HSD17B12: variants seen among roughly 807,000 people sequenced by gnomAD.
The protein encoded by HSD17B12 is very-long-chain 3-oxoacyl-CoA reductase.
A neutral mutation model predicts 39.3 loss-of-function variants in HSD17B12; 32 were observed. The ratio of observed to expected loss-of-function variants is 0.81; its 90% confidence interval spans 0.61 to 1.09. The LOEUF (loss-of-function observed/expected upper bound fraction) is 1.09, where lower values mean the gene tolerates loss of function less well. Among genes scored for constraint, HSD17B12 ranks in the 50% least tolerant of loss-of-function variants. The pLI, the probability that HSD17B12 is intolerant of heterozygous loss-of-function variation, is 0.00. For synonymous variants in HSD17B12, 150 were observed against 146.7 expected, an observed-to-expected ratio of 1.02 and a Z score of -0.16; for missense variants, 342 against 382.9, an observed-to-expected ratio of 0.89 and a Z score of 0.89.
At chr11:43,561,132 T>G in the HSD17B12 span, among the ~76,000 whole-genome samples, 12 of 152,292 alleles carry the variant, frequency 7.9e-5, no homozygotes, top group Non-Finnish European at 1.3e-4. Context: ...CCCACCACTT[T>G]CAAGCTTGGT....
At position 43,855,594 on chromosome 11, in the gene HSD17B12, A is replaced by G. The variant is rs1268424887; in HGVS notation, c.*346A>G. On this transcript the variant is annotated 3_prime_UTR_variant, in exon 11 of 11. Coordinates refer to ENST00000278353, the MANE Select transcript of HSD17B12 (RefSeq NM_016142.3). Reference sequence around the variant, plus strand: ...GCAGTTTTATCTGCTTCAAAATGCCATTGATCATTATTCCTGTATTTTCTC... The same window carrying G: ...GCAGTTTTATCTGCTTCAAAATGCCGTTGATCATTATTCCTGTATTTTCTC... 2 of 155,556 alleles carry G rather than the reference A, an allele frequency of 1.3e-5. No homozygotes were observed. The highest frequency in any genetic ancestry group is 2.8e-5 in the Non-Finnish European group (2 of 70,406). The allele number at this position is 155,556 out of a possible 1,614,324, so 9.6% of individuals were successfully genotyped here. A position where few individuals can be genotyped will look rare whatever the true frequency, so the allele number is the denominator to read the frequency against.
chr11:43,558,881 C>T, the HSD17B12 span, among the ~76,000 whole-genome samples: 1 of 151,980 alleles, frequency 6.6e-6, no homozygotes, highest in African/African-American at 2.4e-5. Flanking sequence ...TATTGCCACC[C>T]CCCACCCCAA....
At chr11:43,643,198 T>G in the HSD17B12 span, among the ~76,000 whole-genome samples, 1 of 152,106 alleles carries the variant, frequency 6.6e-6, no homozygotes, top group African/African-American at 2.4e-5. Flanking sequence ...AACAATTATT[T>G]TATCTCTCAG....
intron 3 of HSD17B12, among the ~76,000 whole-genome samples, chr11:43,782,468 G>T (rs1950775108): frequency 6.6e-6 from 1 of 152,142 alleles, no homozygotes; most frequent in Non-Finnish European, 1.5e-5. Context: ...ATTACCTGAG[G>T]TCAGGAGTTC....
chr11:43,697,667 G>A (rs1227099334), intron 1 of HSD17B12, among the ~76,000 whole-genome samples: 1 of 152,204 alleles, frequency 6.6e-6, no homozygotes, highest in African/African-American at 2.4e-5. Context: ...GGGCAGGTGA[G>A]GGGTGTTGGA....
At chr11:43,621,456 T>C in the HSD17B12 span, among the ~76,000 whole-genome samples, 18 of 152,190 alleles carry the variant, frequency 1.2e-4, no homozygotes, top group Non-Finnish European at 2.2e-4. Flanking sequence ...GGCTCACACC[T>C]GTAATCTCAG....
rs191863423 is a variant in HSD17B12, at chr11:43,800,841, C to A, written c.391+2414C>A. Among the ~76,000 whole-genome samples, 180 of 151,938 alleles carry A rather than the reference C, an allele frequency of 1.2e-3. 1 individual carries two copies. Among genetic ancestry groups the A allele is most frequent in the Admixed American group, 4.2e-3 (64 of 15,216 alleles). On this transcript the variant is annotated intron_variant, in intron 4 of 10. Transcript: ENST00000278353. ...AGTGAACTAGAGATACAACAATGAA[C>A]AAGAAAGCTGTACTGGGCCGGGCGT...
chr11:43,579,417 CG>C, the HSD17B12 span: 1 of 152,640 alleles, frequency 6.6e-6, no homozygotes, highest in Non-Finnish European at 1.5e-5. Flanking sequence ...CCGTGGGGGG[CG>C]GGGAGGGGCC....
chr11:43,813,475 T>C (rs551857632), intron 4 of HSD17B12, among the ~76,000 whole-genome samples: 4 of 152,178 alleles, frequency 2.6e-5, no homozygotes, highest in Non-Finnish European at 5.9e-5. Flanking sequence ...TTCTGATGAA[T>C]ATTACAACTT....
At chr11:43,736,682 C>CTTAT (rs1194010053) in intron 1 of HSD17B12, among the ~76,000 whole-genome samples, 1 of 152,068 alleles carries the variant, frequency 6.6e-6, no homozygotes, top group Non-Finnish European at 1.5e-5. Flanking sequence ...TTAGAGTGGT[C>CTTAT]TTATATTGCA....
chr11:43,787,020 C>T (rs1392051827), intron 3 of HSD17B12, among the ~76,000 whole-genome samples: 2 of 152,152 alleles, frequency 1.3e-5, no homozygotes, highest in African/African-American at 4.8e-5. Context: ...TGGCTCACTT[C>T]AACCTCCTCC....
the HSD17B12 span, among the ~76,000 whole-genome samples, chr11:43,601,237 A>C: frequency 6.6e-6 from 1 of 152,094 alleles, no homozygotes; most frequent in South Asian, 2.1e-4. Flanking sequence ...TTTCTTGCTA[A>C]AGGCACATGT....
chr11:43,748,093 A>G (rs1475747334), intron 1 of HSD17B12, among the ~76,000 whole-genome samples: 1 of 152,202 alleles, frequency 6.6e-6, no homozygotes, highest in Non-Finnish European at 1.5e-5. Context: ...ATCAATAACA[A>G]GAATACAGTA....
At chr11:43,598,961 A>C in the HSD17B12 span, among the ~76,000 whole-genome samples, 4 of 152,356 alleles carry the variant, frequency 2.6e-5, no homozygotes, top group African/African-American at 9.6e-5. Context: ...ACATTTAAAA[A>C]TCTGAGTTTG....
chr11:43,574,644 A>T, the HSD17B12 span, among the ~76,000 whole-genome samples: 1 of 152,174 alleles, frequency 6.6e-6, no homozygotes, highest in African/African-American at 2.4e-5. Context: ...CCTGAGACAC[A>T]CACATCCACA....
intron 1 of HSD17B12, among the ~76,000 whole-genome samples, chr11:43,722,016 G>C (rs1486746659): frequency 6.6e-6 from 1 of 152,088 alleles, no homozygotes; most frequent in Non-Finnish European, 1.5e-5. Flanking sequence ...AGTGAGAAGT[G>C]GTCATACGTG....
chr11:43,825,974 G>T (rs1054668432), intron 6 of HSD17B12, among the ~76,000 whole-genome samples: 3 of 152,176 alleles, frequency 2.0e-5, no homozygotes, highest in Admixed American at 2.0e-4. Context: ...TCACTTTTGA[G>T]AAGTTAGCTT....
At chr11:43,844,942 A>G (rs1449813786) in intron 9 of HSD17B12, among the ~76,000 whole-genome samples, 1 of 152,132 alleles carries the variant, frequency 6.6e-6, no homozygotes, top group Non-Finnish European at 1.5e-5. Context: ...TGGTCCTTCA[A>G]TTCTAAATTC....
chr11:43,562,635 T>C, the HSD17B12 span, among the ~76,000 whole-genome samples: 1 of 152,332 alleles, frequency 6.6e-6, no homozygotes, highest in Non-Finnish European at 1.5e-5. Flanking sequence ...AGGCATGGTG[T>C]GGGATGGCAT....
Sources: allele counts gnomAD v4.1 joint callset (sites outside exome capture counted in the v4.1 genomes callset), GRCh38; gene constraint gnomAD v4.1.1; transcripts MANE v1.5; gene names NCBI Gene and HGNC (gene_info 2026-07-23, HGNC 2026-07-21).